Variants in COL23A1 observed in about 807,000 individuals in gnomAD.
COL23A1 encodes the protein collagen type XXIII alpha 1 chain.
In COL23A1, 97 loss-of-function variants were observed where a neutral mutation model predicts 99.3. The ratio of observed to expected loss-of-function variants is 0.98; its 90% CI spans 0.83 to 1.16. The LOEUF (loss-of-function observed/expected upper bound fraction) is 1.16. COL23A1 is among the 50% of genes most tolerant of loss of function. The pLI is 0.00. For missense variants in COL23A1, 762 were observed against 757.4 expected, an observed-to-expected ratio of 1.01 and a Z score of -0.07; for synonymous variants, 320 against 308.2, an observed-to-expected ratio of 1.04 and a Z score of -0.40.
chr5:178,393,380 G>T (rs538761768), intron 2 of COL23A1, among the ~76,000 whole-genome samples: 2 of 152,324 alleles, frequency 1.3e-5, no homozygotes, highest in African/African-American at 2.4e-5. Context: ...GCTGTGGGGA[G>T]GAGGAATGGG....
At chr5:178,259,557 T>C (rs1300103908) in intron 12 of COL23A1, among the ~76,000 whole-genome samples, 164 bp downstream of exon 12, 1 of 152,210 alleles carries the variant, frequency 6.6e-6, no homozygotes, top group Non-Finnish European at 1.5e-5. Flanking sequence ...GGCAGCCACC[T>C]GCAGTGAGGG....
intron 2 of COL23A1, among the ~76,000 whole-genome samples, chr5:178,486,244 C>A (rs2127960655): frequency 6.6e-6 from 1 of 152,302 alleles, no homozygotes; most frequent in South Asian, 2.1e-4. Context: ...CAGGCAGCTG[C>A]AGAATGAGGA....
At chr5:178,528,127 C>A (rs1391858296) in intron 2 of COL23A1, among the ~76,000 whole-genome samples, 1 of 152,208 alleles carries the variant, frequency 6.6e-6, no homozygotes, top group Non-Finnish European at 1.5e-5. Flanking sequence ...CCAGTCCCCG[C>A]CTCTGGCCTC....
At chr5:178,515,390 C>T (rs905193304) in intron 2 of COL23A1, among the ~76,000 whole-genome samples, 5 of 152,200 alleles carry the variant, frequency 3.3e-5, no homozygotes, top group Admixed American at 2.6e-4. Context: ...GGGGCAGCAC[C>T]AGAACAGAAT....
In COL23A1 at chr5:178,585,122, A is replaced by C. The variant is rs139885801; in HGVS notation, c.294+4782T>G. On this transcript the variant is annotated intron_variant, in intron 1 of 28. Coordinates refer to ENST00000390654, the MANE Select transcript of COL23A1 (RefSeq NM_173465.4). ...CAGCAGAGCCCCAGGGGAGGCAGAA[A>C]TTTTGTGGTTGAAGAATGTTCCCAA... is the stretch of plus-strand genomic sequence containing the variant. 2.8e-3 allele frequency among the ~76,000 whole-genome samples: 426 copies of C among 152,252 alleles called. 1 individual carries two copies. Among genetic ancestry groups the C allele is most frequent in the Non-Finnish European group, 5.0e-3 (338 of 68,010 alleles).
rs565435743 is a variant in COL23A1 at position 178,318,481 on chromosome 5, G to T, written c.362-11562C>A. Among the ~76,000 whole-genome samples the T allele has an allele frequency of 3.1e-4, 47 of 152,340 alleles. 1 individual carries two copies. The South Asian group carries it at 8.3e-3, about 27-fold the overall frequency. On this transcript the variant is annotated intron_variant, in intron 2 of 28. Transcript: ENST00000390654. ...GATGGGAAGAGGGGAAAGCCCCTCA[G>T]CGTGCCTGAGACTACGACCCTTCCT...
chr5:178,565,267 C>T (rs1245759356), intron 1 of COL23A1, among the ~76,000 whole-genome samples: 1 of 152,176 alleles, frequency 6.6e-6, no homozygotes, highest in African/African-American at 2.4e-5. Flanking sequence ...GTAGAAGAGA[C>T]AATGTAAACC....
chr5:178,584,308 CCACACACACACACA>C (rs4045513), intron 1 of COL23A1, among the ~76,000 whole-genome samples: 5 of 145,140 alleles, frequency 3.4e-5, no homozygotes, highest in East Asian at 2.0e-4. Context: ...CTGCACCTGG[CCACACACACACACA>C]CACACACACA....
At chr5:178,363,987 G>C (rs1163553641) in intron 2 of COL23A1, among the ~76,000 whole-genome samples, 1 of 152,156 alleles carries the variant, frequency 6.6e-6, no homozygotes, top group African/African-American at 2.4e-5. Context: ...TTCGCTTTGC[G>C]GCCCTCCTGA....
intron 2 of COL23A1, among the ~76,000 whole-genome samples, chr5:178,505,785 C>T (rs1483944823): frequency 6.6e-6 from 1 of 152,112 alleles, no homozygotes; most frequent in African/African-American, 2.4e-5. Context: ...ATGGTGGGGA[C>T]TTGGGAGGCA....
intron 2 of COL23A1, among the ~76,000 whole-genome samples, chr5:178,538,849 AAC>A (rs1240935235): frequency 1.3e-5 from 2 of 152,242 alleles, no homozygotes; most frequent in Non-Finnish European, 2.9e-5. Context: ...TGAAAGGATA[AAC>A]ACACTGTGGA....
At chr5:178,569,575 TA>T (rs1347668792) in intron 1 of COL23A1, among the ~76,000 whole-genome samples, 1 of 152,244 alleles carries the variant, frequency 6.6e-6, no homozygotes, top group Non-Finnish European at 1.5e-5. Flanking sequence ...GCCACAAAGT[TA>T]GCAGTTTAAA....
At chr5:178,427,567 G>A (rs900267157) in intron 2 of COL23A1, among the ~76,000 whole-genome samples, 9 of 152,144 alleles carry the variant, frequency 5.9e-5, no homozygotes, top group Non-Finnish European at 1.2e-4. Context: ...TACAGCCACA[G>A]TTTGGGATAT....
chr5:178,433,710 A>G (rs996988846), intron 2 of COL23A1, among the ~76,000 whole-genome samples: 3 of 152,172 alleles, frequency 2.0e-5, no homozygotes, highest in African/African-American at 7.2e-5. Context: ...ACCAGGGATA[A>G]ATACCAAATA....
intron 1 of COL23A1, among the ~76,000 whole-genome samples, chr5:178,565,665 C>T (rs1387762934): frequency 1.3e-5 from 2 of 152,124 alleles, no homozygotes; most frequent in African/African-American, 2.4e-5. Flanking sequence ...ATAACCCCCA[C>T]GCGGCTGGGA....
chr5:178,565,776 C>T (rs1762812147), intron 1 of COL23A1, among the ~76,000 whole-genome samples: 1 of 152,004 alleles, frequency 6.6e-6, no homozygotes, highest in Non-Finnish European at 1.5e-5. Flanking sequence ...TCATAGATGA[C>T]AACCTCTGCT....
At chr5:178,409,286 T>C (rs1764941852) in intron 2 of COL23A1, among the ~76,000 whole-genome samples, 1 of 152,304 alleles carries the variant, frequency 6.6e-6, no homozygotes. Flanking sequence ...AAGGGCATCA[T>C]GCTGAGTGAG....
intron 2 of COL23A1, among the ~76,000 whole-genome samples, chr5:178,482,299 T>C (rs992473134): frequency 6.6e-6 from 1 of 152,090 alleles, no homozygotes; most frequent in Non-Finnish European, 1.5e-5. Flanking sequence ...TACATGCTAC[T>C]AGATAGACAG....
intron 2 of COL23A1, among the ~76,000 whole-genome samples, chr5:178,457,962 A>G (rs1451553317): frequency 6.6e-6 from 1 of 152,230 alleles, no homozygotes; most frequent in East Asian, 1.9e-4. Context: ...ATGGGTATCC[A>G]CAGCACCCAT....
Sources: gnomAD v4.1 joint callset for allele counts (sites outside exome capture counted in the v4.1 genomes callset) on GRCh38, gnomAD v4.1.1 for gene constraint, MANE v1.5 for transcripts, NCBI Gene and HGNC (gene_info 2026-07-23, HGNC 2026-07-21) for gene names.